GAS2L3: variants seen among roughly 807,000 people sequenced by gnomAD.
GAS2L3 encodes growth arrest specific 2 like 3.
GAS2L3 carries 28 observed loss-of-function variants against 37.0 expected under a neutral mutation model. That is an observed-to-expected ratio of 0.76 (90% CI 0.56 to 1.04). The LOEUF is 1.04. Among genes scored for constraint, GAS2L3 ranks in the 50% least tolerant of loss-of-function variants. GAS2L3 has a pLI of 0.00. For synonymous variants in GAS2L3, 290 were observed against 296.6 expected, an observed-to-expected ratio of 0.98 and a Z score of 0.23; for missense variants, 793 against 817.6, an observed-to-expected ratio of 0.97 and a Z score of 0.37.
intron 5 of GAS2L3, among the ~76,000 whole-genome samples, chr12:100,604,200 G>A (rs948912986): frequency 1.2e-4 from 18 of 151,810 alleles, no homozygotes; most frequent in East Asian, 7.7e-4. Flanking sequence ...TAGTATGGCC[G>A]TTTTAACAAT....
chr12:100,584,820 C>T (rs572725041), intron 1 of GAS2L3, among the ~76,000 whole-genome samples: 53 of 151,294 alleles, frequency 3.5e-4, no homozygotes, highest in Non-Finnish European at 5.7e-4. Flanking sequence ...AACCACCCAC[C>T]TTGGCCTCCC....
At chr12:100,598,183 A>G (rs1955938839) in intron 3 of GAS2L3, among the ~76,000 whole-genome samples, 1 of 152,184 alleles carries the variant, frequency 6.6e-6, no homozygotes, top group African/African-American at 2.4e-5. Context: ...CTGTACTACC[A>G]TTTAATACGC....
intron 1 of GAS2L3, among the ~76,000 whole-genome samples, chr12:100,582,916 G>A (rs993428445): frequency 6.6e-6 from 1 of 152,172 alleles, no homozygotes; most frequent in African/African-American, 2.4e-5. Context: ...TTCACAGCCT[G>A]CAGTGTAGCA....
At chr12:100,617,711 G>A in intron 6 of GAS2L3, 33 bp from the exon 7 acceptor site, 1 of 1,316,136 alleles carries the variant, frequency 7.6e-7, no homozygotes, top group Non-Finnish European at 1.1e-6. Context: ...ACTTAATTTT[G>A]CTGTATAAAA....
chr12:100,612,963 T>G (rs933946370), intron 6 of GAS2L3, among the ~76,000 whole-genome samples: 1 of 152,222 alleles, frequency 6.6e-6, no homozygotes, highest in African/African-American at 2.4e-5. Context: ...CTTATTGCCC[T>G]CACACAGGGT....
intron 1 of GAS2L3, among the ~76,000 whole-genome samples, chr12:100,591,341 G>C (rs1955844345): frequency 6.6e-6 from 1 of 152,106 alleles, no homozygotes; most frequent in African/African-American, 2.4e-5. Flanking sequence ...ACATTGAGGA[G>C]ACAGGTTGAA....
chr12:100,624,533 G>C lies in GAS2L3; in HGVS notation c.1728G>C (p.Gln576His), dbSNP rs1424655222. ...VSSVSPVKAT[Q>H]KSKDKNIVSA... ...CAGTTTCTCCTGTAAAAGCCACACA[G>C]AAATCAAAAGATAAGAATATAGTTT... is the stretch of plus-strand genomic sequence containing the variant. Residue 576 changes from glutamine (Q) to histidine (H), a missense_variant, in exon 10 of 10, where the codon CAG becomes CAC. Gln to His is a conservative substitution (Grantham distance 24). Coordinates refer to ENST00000547754, the MANE Select transcript of GAS2L3 (RefSeq NM_174942.3). The C allele has an allele frequency of 6.2e-6, 10 of 1,614,010 alleles. No homozygotes were observed. Among genetic ancestry groups the C allele is most frequent in the South Asian group, 2.2e-5 (2 of 91,078 alleles).
At chr12:100,596,968 GT>G (rs1955920337) in intron 3 of GAS2L3, among the ~76,000 whole-genome samples, 1 of 151,990 alleles carries the variant, frequency 6.6e-6, no homozygotes. Context: ...CATACATGCA[GT>G]TTTTGTTAAT....
At chr12:100,619,198 T>G (rs974005412) in intron 8 of GAS2L3, among the ~76,000 whole-genome samples, 3 of 145,030 alleles carry the variant, frequency 2.1e-5, no homozygotes, top group African/African-American at 5.1e-5. Context: ...GATTGATGGG[T>G]TTTTTTTTTT....
At chr12:100,620,536 A>T (rs2136575573) in intron 8 of GAS2L3, among the ~76,000 whole-genome samples, 1 of 152,056 alleles carries the variant, frequency 6.6e-6, no homozygotes, top group Admixed American at 6.6e-5. Context: ...AGATTCGGGT[A>T]TCTTAAATAA....
In GAS2L3 at chr12:100,618,575, G is replaced by C; in HGVS notation, c.636G>C (p.Glu212Asp). Residue 212 changes from glutamate (E) to aspartate (D), a missense_variant, in exon 8 of 10, where the codon GAG becomes GAC. Physicochemically the swap from Glu to Asp is conservative, Grantham distance 45. Coordinates refer to ENST00000547754, the MANE Select transcript of GAS2L3 (RefSeq NM_174942.3). ...SIPKSCCRHEELHEAVKHIAE... is the reference protein window; with the variant it reads ...SIPKSCCRHEDLHEAVKHIAE... ...CAAAATCATGCTGTCGGCATGAAGA[G>C]CTACATGAAGCTGTAAGTAGTTGCC... 2 of 1,608,692 alleles carry C rather than the reference G, an allele frequency of 1.2e-6. No homozygotes were observed. The highest frequency in any genetic ancestry group is 1.7e-6 in the Non-Finnish European group (2 of 1,178,198).
chr12:100,601,054 C>T (rs990894318), intron 4 of GAS2L3, among the ~76,000 whole-genome samples: 3 of 152,040 alleles, frequency 2.0e-5, no homozygotes, highest in African/African-American at 7.2e-5. Context: ...ATGATGAATG[C>T]TTTAAGCTTT....
At chr12:100,590,670 C>G (rs1211671018) in intron 1 of GAS2L3, among the ~76,000 whole-genome samples, 1 of 152,042 alleles carries the variant, frequency 6.6e-6, no homozygotes, top group Admixed American at 6.6e-5. Context: ...AACCCAAATA[C>G]CCATGAATAA....
chr12:100,597,125 C>T (rs1420258303), intron 3 of GAS2L3, among the ~76,000 whole-genome samples: 1 of 151,888 alleles, frequency 6.6e-6, no homozygotes, highest in East Asian at 1.9e-4. Context: ...TTAGCATCTC[C>T]ATTTTCATAC....
chr12:100,574,833 T>C (rs1489036731), intron 1 of GAS2L3, among the ~76,000 whole-genome samples: 2 of 152,242 alleles, frequency 1.3e-5, no homozygotes, highest in East Asian at 3.8e-4. Context: ...AAATTGGAAC[T>C]GTTTCAAATG....
chr12:100,602,266 T>C (rs1956000283), intron 5 of GAS2L3, among the ~76,000 whole-genome samples: 1 of 152,114 alleles, frequency 6.6e-6, no homozygotes. Context: ...ATTGATTGGA[T>C]AAATAATACA....
intron 8 of GAS2L3, among the ~76,000 whole-genome samples, 195 bp from the exon 9 acceptor site, chr12:100,622,080 G>A (rs925064435): frequency 1.3e-5 from 2 of 152,136 alleles, no homozygotes; most frequent in African/African-American, 4.8e-5. Flanking sequence ...ATTTTGGGAA[G>A]ACTGTGGCTT....
At chr12:100,585,949 C>T (rs1398401362) in intron 1 of GAS2L3, among the ~76,000 whole-genome samples, 2 of 152,148 alleles carry the variant, frequency 1.3e-5, no homozygotes, top group Non-Finnish European at 2.9e-5. Flanking sequence ...TTCCCTAGTT[C>T]TTTTTCCTAC....
At chr12:100,596,238 C>T (rs1260935468) in intron 3 of GAS2L3, among the ~76,000 whole-genome samples, 2 of 152,054 alleles carry the variant, frequency 1.3e-5, no homozygotes, top group Admixed American at 1.3e-4. Flanking sequence ...TCATTTTTGA[C>T]CTGATTACTT....
Sources: allele counts gnomAD v4.1 joint callset (sites outside exome capture counted in the v4.1 genomes callset), GRCh38; gene constraint gnomAD v4.1.1; transcripts MANE v1.5; gene names NCBI Gene and HGNC (gene_info 2026-07-23, HGNC 2026-07-21).